ARHGEF10: variants seen among roughly 807,000 people sequenced by gnomAD.
ARHGEF10 encodes the protein Rho guanine nucleotide exchange factor (GEF) 10.
A neutral mutation model predicts 147.4 loss-of-function variants in ARHGEF10; 140 were observed. That is an observed-to-expected ratio of 0.95 (90% CI 0.83 to 1.09). ARHGEF10 has a LOEUF of 1.09. ARHGEF10 is among the 50% of genes least tolerant of loss of function. The probability of loss-of-function intolerance (pLI) is 0.00; values close to 1 mark genes in which losing one functional copy is unlikely to be tolerated. For missense variants in ARHGEF10, 2,222 were observed against 1,752.7 expected (o/e 1.27, Z -4.78); for synonymous variants, 902 against 695.8 (o/e 1.30, Z -4.67).
chr8:1,928,690 C>G, intron 24 of ARHGEF10, 40 bp downstream of exon 24: 1 of 1,608,064 alleles, frequency 6.2e-7, no homozygotes, highest in Middle Eastern at 1.9e-4. Flanking sequence ...TTAGCAAGCT[C>G]TGCCCATGGA....
intron 19 of ARHGEF10, 63 bp downstream of exon 19, chr8:1,923,142 G>C (rs1812426126): frequency 3.3e-6 from 4 of 1,216,138 alleles, no homozygotes; most frequent in Non-Finnish European, 4.8e-6. Context: ...GTAAGTATGT[G>C]ATTATATCTC....
Position 1,898,414 on chromosome 8 carries a change from C to G in ARHGEF10, c.1558-19C>G. Reference sequence around the variant, plus strand: ...ATGGCAGCCCTGCAGGGAGGTGACCCCGGTGCCTTCCCCCACAGCAGGAAC... The same window carrying G: ...ATGGCAGCCCTGCAGGGAGGTGACCGCGGTGCCTTCCCCCACAGCAGGAAC... On this transcript the variant is annotated intron_variant, in intron 14 of 28. Transcript: ENST00000349830. 6.2e-7 allele frequency: 1 copy of G among 1,612,916 alleles called. No individual in the cohort carries two copies. The highest frequency in any genetic ancestry group is 8.5e-7 in the Non-Finnish European group (1 of 1,179,208).
Position 1,885,525 on chromosome 8 carries a change from T to C in ARHGEF10, c.1076-76T>C. On this transcript the variant is annotated intron_variant, in intron 10 of 28. Coordinates refer to ENST00000349830, the MANE Select transcript of ARHGEF10 (RefSeq NM_014629.4). ...GGTCTACACAAAATATTTATTTGAC[T>C]TTTTTTTACTGTACTGTAGTGTTGT... 5 of 769,922 alleles carry C rather than the reference T, an allele frequency of 6.5e-6. 1 individual carries two copies. The South Asian group carries it at 1.3e-4, about 20-fold the overall frequency. The allele number at this position is 769,922 out of a possible 1,614,324, so 47.7% of individuals were successfully genotyped here.
intron 1 of ARHGEF10, among the ~76,000 whole-genome samples, chr8:1,834,355 G>T (rs149407942): frequency 0.012 from 1,767 of 152,236 alleles, 13 homozygotes; most frequent in Admixed American, 0.019. Flanking sequence ...AAGATCCCAC[G>T]GAGACGGTCT....
intron 17 of ARHGEF10, 140 bp downstream of exon 17, chr8:1,905,856 A>C: frequency 9.9e-7 from 1 of 1,014,676 alleles, no homozygotes; most frequent in Non-Finnish European, 1.5e-6. Flanking sequence ...TGACTAAGGG[A>C]ACCCTTATAA....
chr8:1,874,176 A>T (rs1807439217), intron 7 of ARHGEF10, among the ~76,000 whole-genome samples: 2 of 152,292 alleles, frequency 1.3e-5, no homozygotes, highest in South Asian at 2.1e-4. Context: ...GGTTAGCAAG[A>T]CCCTTCAAAG....
chr8:1,912,693 C>A (rs375347661), intron 18 of ARHGEF10, among the ~76,000 whole-genome samples: 70 of 152,242 alleles, frequency 4.6e-4, no homozygotes, highest in African/African-American at 1.6e-3. Flanking sequence ...GTCCCCTGGT[C>A]CATGGATTGG....
chr8:1,880,954 G>A (rs1460007755), intron 9 of ARHGEF10, among the ~76,000 whole-genome samples: 1 of 152,192 alleles, frequency 6.6e-6, no homozygotes, highest in East Asian at 1.9e-4. Flanking sequence ...CCCCTCACAT[G>A]CAGCATCTGG....
intron 1 of ARHGEF10, among the ~76,000 whole-genome samples, chr8:1,841,101 C>A (rs187583647): frequency 1.3e-5 from 2 of 152,122 alleles, no homozygotes; most frequent in South Asian, 2.1e-4. Flanking sequence ...ATCAGCCACC[C>A]GCCCTCAGCT....
At position 1,864,393 on chromosome 8, in the gene ARHGEF10, G is replaced by T. The variant is rs775232409; in HGVS notation, c.502G>T (p.Asp168Tyr). The change falls in exon 5 of 29, where the codon GAT becomes TAT. Residue 168 changes from aspartate to tyrosine, a missense_variant. Coordinates refer to ENST00000349830, the MANE Select transcript of ARHGEF10 (RefSeq NM_014629.4). ...DEEETPEVTE[D>Y]RQPNSLSSEE... Reference sequence around the variant, plus strand: ...AGCAGAAACACCAGAAGTCACAGAAGATCGCCAGCCCAATTCTCTGAGTTC... The same window carrying T: ...AGCAGAAACACCAGAAGTCACAGAATATCGCCAGCCCAATTCTCTGAGTTC... 1 of 1,614,164 alleles carries T rather than the reference G, an allele frequency of 6.2e-7. No homozygotes were observed. The highest frequency in any genetic ancestry group is 8.5e-7 in the Non-Finnish European group (1 of 1,180,024).
At chr8:1,864,523 C>A in intron 5 of ARHGEF10, 87 bp downstream of exon 5, 1 of 1,376,362 alleles carries the variant, frequency 7.3e-7, no homozygotes, top group South Asian at 1.2e-5. Flanking sequence ...GTGTCCCTGC[C>A]CGCCATCCTC....
At position 1,957,479 on chromosome 8, in the gene ARHGEF10, G is replaced by C. The variant is rs1815677422; in HGVS notation, c.*216G>C. The C allele has an allele frequency of 1.5e-5, 10 of 689,534 alleles. No individual in the cohort carries two copies. In the South Asian group the frequency reaches 1.7e-4, roughly 12 times the overall value. 42.7% of individuals were successfully genotyped at this position (689,534 alleles called of 1,614,324 possible). Reference sequence around the variant, plus strand: ...AGTAATTACAAGCACTTCTCACGAAGGCAGAAGACTGATGCAATTTTCGAG... The same window carrying C: ...AGTAATTACAAGCACTTCTCACGAACGCAGAAGACTGATGCAATTTTCGAG... On this transcript the variant is annotated 3_prime_UTR_variant, in exon 29 of 29. Coordinates refer to ENST00000349830, the MANE Select transcript of ARHGEF10 (RefSeq NM_014629.4).
rs1025197772 is a variant in ARHGEF10 at position 1,929,545 on chromosome 8, C to T, written c.3079+102C>T. ...ACCTCCCCACCGGCCTCCTGCCTCC[C>T]GCCCCTGTGCCTCCGCCCCTGCGCT... On this transcript the variant is annotated intron_variant, in intron 25 of 28. Transcript: ENST00000349830. 73 of 1,395,234 alleles carry T rather than the reference C, an allele frequency of 5.2e-5. No homozygotes were observed. The Middle Eastern group carries it at 7.9e-4, about 15-fold the overall frequency. 86.4% of individuals were successfully genotyped at this position (1,395,234 alleles called of 1,614,324 possible).
chr8:1,945,540 C>G lies in ARHGEF10; in HGVS notation c.3282C>G (p.Gly1094=). The change falls in exon 27 of 29, where the codon GGC becomes GGG. Residue 1094 remains glycine (G), a synonymous_variant. Transcript: ENST00000349830. ...TGATCTCCCACATGGCCGTGTCCGG[C>G]GTCGGGATCTGGATTGCCTTCACCT... ...GMVISHMAVS[G]VGIWIAFTSG... 6.2e-7 allele frequency: 1 copy of G among 1,614,114 alleles called. No homozygotes were observed.
At chr8:1,916,543 C>T (rs1811773914) in intron 18 of ARHGEF10, among the ~76,000 whole-genome samples, 1 of 152,186 alleles carries the variant, frequency 6.6e-6, no homozygotes, top group Non-Finnish European at 1.5e-5. Context: ...GTGGTTTCAG[C>T]TTTGCACCTG....
rs1814766043 is a variant in ARHGEF10 at position 1,948,416 on chromosome 8, CT to C, written c.3397+2762del. On this transcript the variant is annotated intron_variant, in intron 27 of 28. Transcript: ENST00000349830. This position sits in a 1 kb window ranked among gnomAD's most constrained non-coding sequence, Gnocchi z 4.9. ...GGCAGGTTTCTCCGGCATTTCGGTA[CT>C]AAGTTGGAAATAGCTCCAGCTTCAC... 6.6e-6 allele frequency among the ~76,000 whole-genome samples: 1 copy of C among 152,220 alleles called. No homozygotes were observed. The highest frequency in any genetic ancestry group is 2.4e-5 in the African/African-American group (1 of 41,456).
rs747310780 is a variant in ARHGEF10 at position 1,956,810 on chromosome 8, G to C, written c.3582G>C (p.Thr1194=). 7 of 1,613,932 alleles carry C rather than the reference G, an allele frequency of 4.3e-6. No homozygotes were observed. In the East Asian group the frequency reaches 6.7e-5, roughly 15 times the overall value. Residue 1194 remains threonine (T), a synonymous_variant, in exon 29 of 29, where the codon ACG becomes ACC. Coordinates refer to ENST00000349830, the MANE Select transcript of ARHGEF10 (RefSeq NM_014629.4). ...CTGTCAAATTCATCGTCCTGGCCAC[G>C]GCTCTGCACGAGAAAGACAAGGACA... is the stretch of plus-strand genomic sequence containing the variant. ...NSPVKFIVLA[T]ALHEKDKDKS... is the part of the protein sequence containing the mutation.
chr8:1,923,314 A>C (rs998619809), intron 19 of ARHGEF10, 154 bp from the exon 20 acceptor site: 8 of 1,179,730 alleles, frequency 6.8e-6, no homozygotes, highest in Non-Finnish European at 9.8e-6. Flanking sequence ...TCAGCCCCCC[A>C]CAGTGTGATC....
chr8:1,885,807 C>G, intron 11 of ARHGEF10, 100 bp downstream of exon 11: 2 of 955,178 alleles, frequency 2.1e-6, no homozygotes, highest in Non-Finnish European at 3.3e-6. Flanking sequence ...TTTGCTGTCT[C>G]AAACTCTGCA....
Sources: gnomAD v4.1 joint callset for allele counts (sites outside exome capture counted in the v4.1 genomes callset) on GRCh38, gnomAD v4.1.1 for gene constraint, Gnocchi (gnomAD v3.1) non-coding constraint, MANE v1.5 for transcripts, NCBI Gene and HGNC (gene_info 2026-07-23, HGNC 2026-07-21) for gene names.